MSH4: variants seen among roughly 807,000 people sequenced by gnomAD.
MSH4 encodes mutS homolog 4, also known as mutS protein homolog 4.
MSH4 carries 106 observed loss-of-function variants against 113.7 expected under a neutral mutation model. That is an observed-to-expected ratio of 0.93 (90% CI 0.80 to 1.10). MSH4 has a LOEUF of 1.10. Among genes scored for constraint, MSH4 ranks in the 50% least tolerant of loss-of-function variants. The probability of loss-of-function intolerance (pLI) is 0.00; values close to 1 mark genes in which losing one functional copy is unlikely to be tolerated. For missense variants in MSH4, 1,061 were observed against 1,093.7 expected, an observed-to-expected ratio of 0.97 and a Z score of 0.42; for synonymous variants, 368 against 380.2, an observed-to-expected ratio of 0.97 and a Z score of 0.37.
chr1:75,905,045 T>C (rs192132049), intron 19 of MSH4, among the ~76,000 whole-genome samples: 1 of 152,134 alleles, frequency 6.6e-6, no homozygotes, highest in African/African-American at 2.4e-5. Context: ...ACTTCATTTA[T>C]TTCTGCTTTG....
At chr1:75,835,798 A>T (rs558731368) in intron 7 of MSH4, among the ~76,000 whole-genome samples, 1 of 152,214 alleles carries the variant, frequency 6.6e-6, no homozygotes, top group African/African-American at 2.4e-5. Flanking sequence ...TATGCTCACT[A>T]TCTTCTCTTC....
chr1:75,897,857 T>A, intron 17 of MSH4, 50 bp from the exon 18 acceptor site: 1 of 1,170,328 alleles, frequency 8.5e-7, no homozygotes, highest in South Asian at 3.2e-5. Flanking sequence ...AATAGAATTT[T>A]CTAGTTAATT....
At chr1:75,840,234 G>A (rs1485799268) in intron 7 of MSH4, among the ~76,000 whole-genome samples, 2 of 141,056 alleles carry the variant, frequency 1.4e-5, no homozygotes, top group African/African-American at 5.2e-5. Flanking sequence ...GTTTATTGCG[G>A]CACTATTCAC....
At chr1:75,833,136 C>T (rs1217682420) in intron 7 of MSH4, among the ~76,000 whole-genome samples, 1 of 152,102 alleles carries the variant, frequency 6.6e-6, no homozygotes, top group Non-Finnish European at 1.5e-5. Context: ...TCCTAAACAC[C>T]AATAACAGAC....
chr1:75,805,360 ATT>A (rs982211156), intron 2 of MSH4, among the ~76,000 whole-genome samples: 1 of 140,942 alleles, frequency 7.1e-6, no homozygotes. Context: ...TACCTTTTTT[ATT>A]TTTTTTAATT....
At chr1:75,867,905 CTAT>C (rs1355447232) in intron 9 of MSH4, among the ~76,000 whole-genome samples, 1 of 152,002 alleles carries the variant, frequency 6.6e-6, no homozygotes, top group Non-Finnish European at 1.5e-5. Context: ...TGATGCAATA[CTAT>C]TTTATAATAT....
At chr1:75,868,347 C>T (rs79949741) in intron 9 of MSH4, among the ~76,000 whole-genome samples, 6,113 of 152,162 alleles carry the variant, frequency 0.04, 163 homozygotes, top group Non-Finnish European at 0.063. Flanking sequence ...GTGTAAATAA[C>T]CCAATCCTCA....
intron 17 of MSH4, among the ~76,000 whole-genome samples, chr1:75,895,824 G>C (rs933903819): frequency 3.4e-4 from 52 of 152,092 alleles, no homozygotes; most frequent in Admixed American, 3.1e-3. Flanking sequence ...TATCATATTA[G>C]AGGGAAGTAT....
intron 8 of MSH4, among the ~76,000 whole-genome samples, chr1:75,864,323 A>G (rs1431611322): frequency 6.6e-6 from 1 of 152,230 alleles, no homozygotes; most frequent in African/African-American, 2.4e-5. Context: ...ACTGCTAAAC[A>G]ATCTTGTACC....
chr1:75,876,466 G>A (rs1651819941), intron 9 of MSH4, among the ~76,000 whole-genome samples: 1 of 151,844 alleles, frequency 6.6e-6, no homozygotes, highest in Admixed American at 6.6e-5. Context: ...TGTTTATTTA[G>A]TTAGTGACCC....
intron 8 of MSH4, among the ~76,000 whole-genome samples, chr1:75,864,694 G>C (rs1408236973): frequency 6.6e-6 from 1 of 152,026 alleles, no homozygotes; most frequent in Non-Finnish European, 1.5e-5. Context: ...ATCTGCTTTT[G>C]TGATTTGTAT....
intron 3 of MSH4, among the ~76,000 whole-genome samples, chr1:75,807,970 T>A (rs1251718882): frequency 1.3e-5 from 2 of 152,186 alleles, no homozygotes; most frequent in Non-Finnish European, 2.9e-5. Flanking sequence ...CATCAGAAAT[T>A]TGACTCCACA....
intron 7 of MSH4, among the ~76,000 whole-genome samples, chr1:75,834,999 G>T (rs1221800651): frequency 6.6e-6 from 1 of 152,182 alleles, no homozygotes; most frequent in Non-Finnish European, 1.5e-5. Context: ...CCACTGGCAT[G>T]GTGGTGCAGT....
intron 8 of MSH4, among the ~76,000 whole-genome samples, chr1:75,861,620 C>G (rs1356404542): frequency 6.6e-6 from 1 of 152,150 alleles, no homozygotes; most frequent in Non-Finnish European, 1.5e-5. Flanking sequence ...ATATTGCTGC[C>G]TGATCCTTCC....
At chr1:75,848,103 T>G (rs1651113271) in intron 7 of MSH4, 106 bp from the exon 8 acceptor site, 1 of 629,258 alleles carries the variant, frequency 1.6e-6, no homozygotes, top group Non-Finnish European at 2.7e-6. Flanking sequence ...GTAATATTTG[T>G]AGGTAGAACT....
chr1:75,833,301 G>T (rs972904021), intron 7 of MSH4, among the ~76,000 whole-genome samples: 1 of 152,112 alleles, frequency 6.6e-6, no homozygotes, highest in Admixed American at 6.5e-5. Context: ...CAAACAAATG[G>T]AAGCACATTC....
intron 8 of MSH4, 37 bp from the exon 9 acceptor site, chr1:75,867,477 A>T (rs755447592): frequency 1.0e-5 from 11 of 1,087,832 alleles, no homozygotes; most frequent in Non-Finnish European, 1.5e-5. Flanking sequence ...TTAAATATTT[A>T]TGGTGTCCAT....
chr1:75,816,351 T>C, intron 5 of MSH4, 22 bp from the exon 6 acceptor site: 1 of 1,528,550 alleles, frequency 6.5e-7, no homozygotes, highest in Non-Finnish European at 8.9e-7. Context: ...CTTATAGTGA[T>C]GTATTATTGG....
At chr1:75,871,929 T>A (rs2100564969) in intron 9 of MSH4, among the ~76,000 whole-genome samples, 1 of 152,364 alleles carries the variant, frequency 6.6e-6, no homozygotes, top group East Asian at 1.9e-4. Context: ...AAGTTTTTTA[T>A]ATGTATGATA....
Sources: gnomAD v4.1 joint callset for allele counts (sites outside exome capture counted in the v4.1 genomes callset) on GRCh38, gnomAD v4.1.1 for gene constraint, MANE v1.5 for transcripts, NCBI Gene and HGNC (gene_info 2026-07-23, HGNC 2026-07-21) for gene names.